Variants in GABRB1 observed in about 807,000 individuals in gnomAD.
GABRB1 encodes gamma-aminobutyric acid receptor subunit beta-1.
A neutral mutation model predicts 51.6 loss-of-function variants in GABRB1; 17 were observed. That is an observed-to-expected ratio of 0.33 (90% CI 0.23 to 0.49). The LOEUF (loss-of-function observed/expected upper bound fraction) is 0.49. Among genes scored for constraint, GABRB1 ranks in the 20% least tolerant of loss-of-function variants. GABRB1 has a pLI of 0.99. For missense variants in GABRB1, 410 were observed against 600.6 expected, an observed-to-expected ratio of 0.68 and a Z score of 3.32; for synonymous variants, 247 against 218.9, an observed-to-expected ratio of 1.13 and a Z score of -1.14.
chr4:47,363,601 G>T (rs1165920336), intron 5 of GABRB1, among the ~76,000 whole-genome samples: 2 of 152,062 alleles, frequency 1.3e-5, no homozygotes, highest in African/African-American at 4.8e-5. Context: ...TGGTCCCCTG[G>T]TTACCATTAG....
intron 4 of GABRB1, among the ~76,000 whole-genome samples, chr4:47,286,695 G>A (rs1406963950): frequency 2.0e-5 from 3 of 152,220 alleles, no homozygotes; most frequent in Non-Finnish European, 4.4e-5. Context: ...GGATAATTAA[G>A]CATGGATAAT....
rs566711934 is a variant in GABRB1, at chr4:47,338,613, A to G, written c.544+18404A>G. Among the ~76,000 whole-genome samples the G allele has an allele frequency of 2.6e-5, 4 of 152,344 alleles. No homozygotes were observed. The East Asian group carries it at 5.8e-4, about 22-fold the overall frequency. Reference sequence around the variant, plus strand: ...ATTTCTCCCTATTATTGGCAGGTCAAATATTAATACAGCTACTAGTTTCAG... The same window carrying G: ...ATTTCTCCCTATTATTGGCAGGTCAGATATTAATACAGCTACTAGTTTCAG... On this transcript the variant is annotated intron_variant, in intron 5 of 8. Coordinates refer to ENST00000295454, the MANE Select transcript of GABRB1 (RefSeq NM_000812.4).
At chr4:47,190,368 T>C (rs1052240030) in intron 4 of GABRB1, among the ~76,000 whole-genome samples, 1 of 152,128 alleles carries the variant, frequency 6.6e-6, no homozygotes, top group Non-Finnish European at 1.5e-5. Flanking sequence ...AATTTGTAAT[T>C]GGTTTGGTGA....
intron 5 of GABRB1, among the ~76,000 whole-genome samples, chr4:47,330,929 A>G (rs561275713): frequency 6.6e-6 from 1 of 152,304 alleles, no homozygotes; most frequent in African/African-American, 2.4e-5. Context: ...TGCCTGCCAA[A>G]TCATTAGTTC....
chr4:47,346,248 A>G (rs1400872610), intron 5 of GABRB1, among the ~76,000 whole-genome samples: 1 of 152,196 alleles, frequency 6.6e-6, no homozygotes, highest in Non-Finnish European at 1.5e-5. Flanking sequence ...TTGAAGTTCT[A>G]TGATAAAAGA....
At chr4:47,042,115 A>G in intron 3 of GABRB1, among the ~76,000 whole-genome samples, 1 of 151,992 alleles carries the variant, frequency 6.6e-6, no homozygotes, top group Non-Finnish European at 1.5e-5. Flanking sequence ...CATATTCTCT[A>G]TTATCACTCC....
chr4:47,350,200 T>TAG (rs1440025559), intron 5 of GABRB1, among the ~76,000 whole-genome samples: 14 of 87,734 alleles, frequency 1.6e-4, no homozygotes, highest in Non-Finnish European at 2.0e-4. Context: ...TATATATATA[T>TAG]ATATATATAT....
At chr4:47,052,969 C>T (rs558869779) in intron 3 of GABRB1, among the ~76,000 whole-genome samples, 3 of 152,218 alleles carry the variant, frequency 2.0e-5, no homozygotes, top group South Asian at 2.1e-4. Context: ...TAGAATGAGG[C>T]GCTGTTGCAG....
chr4:47,359,972 A>C (rs1212703207), intron 5 of GABRB1, among the ~76,000 whole-genome samples: 2 of 152,098 alleles, frequency 1.3e-5, no homozygotes, highest in African/African-American at 2.4e-5. Context: ...TCAGACTTGA[A>C]GTAAAAATGA....
At chr4:47,317,032 T>G (rs1354803271) in intron 4 of GABRB1, among the ~76,000 whole-genome samples, 1 of 152,012 alleles carries the variant, frequency 6.6e-6, no homozygotes, top group Non-Finnish European at 1.5e-5. Context: ...CTTTACATAC[T>G]GAGGTCCCTT....
intron 1 of GABRB1, chr4:46,994,212 A>G (rs1413052732): frequency 6.6e-6 from 1 of 152,074 alleles, no homozygotes; most frequent in African/African-American, 2.4e-5. Flanking sequence ...AGTATTTGCT[A>G]AGCTATTGCT....
At chr4:47,063,859 G>T (rs1003629051) in intron 3 of GABRB1, among the ~76,000 whole-genome samples, 12 of 152,040 alleles carry the variant, frequency 7.9e-5, no homozygotes, top group Admixed American at 7.2e-4. Context: ...CATGGCGGGG[G>T]AACAACACAC....
intron 4 of GABRB1, among the ~76,000 whole-genome samples, chr4:47,198,447 T>C (rs556856840): frequency 6.6e-6 from 1 of 152,240 alleles, no homozygotes; most frequent in South Asian, 2.1e-4. Flanking sequence ...GAAATACAGA[T>C]GTTACAGACT....
At chr4:47,316,157 C>T (rs1037664336) in intron 4 of GABRB1, among the ~76,000 whole-genome samples, 34 of 151,906 alleles carry the variant, frequency 2.2e-4, no homozygotes, top group Non-Finnish European at 5.0e-4. Context: ...GTAAAATATA[C>T]ATATATAATT....
chr4:47,269,719 G>A (rs774703095), intron 4 of GABRB1, among the ~76,000 whole-genome samples: 1 of 151,794 alleles, frequency 6.6e-6, no homozygotes, highest in Non-Finnish European at 1.5e-5. Flanking sequence ...CATGTATTAT[G>A]TGTCGGGGAT....
chr4:47,290,363 T>C (rs1030738576), intron 4 of GABRB1, among the ~76,000 whole-genome samples: 2 of 152,222 alleles, frequency 1.3e-5, no homozygotes, highest in African/African-American at 4.8e-5. Flanking sequence ...CCACCATGAT[T>C]GTGAGGCCTC....
intron 5 of GABRB1, among the ~76,000 whole-genome samples, chr4:47,341,847 T>C (rs998435608): frequency 2.6e-5 from 4 of 152,170 alleles, no homozygotes; most frequent in African/African-American, 7.2e-5. Flanking sequence ...CATTCATATC[T>C]ATGAGTAGTT....
At chr4:47,011,031 CATT>C (rs1438763789) in intron 1 of GABRB1, among the ~76,000 whole-genome samples, 1 of 151,672 alleles carries the variant, frequency 6.6e-6, no homozygotes, top group Non-Finnish European at 1.5e-5. Context: ...AGTGTTAAAA[CATT>C]AGAGAGTTAA....
intron 1 of GABRB1, among the ~76,000 whole-genome samples, chr4:47,011,092 G>A (rs3934675): frequency 0.68 from 103,367 of 152,078 alleles, 35,528 homozygotes; most frequent in South Asian, 0.79. Flanking sequence ...GAAAGCATTA[G>A]ACTAGTTGCA....
Sources: allele counts gnomAD v4.1 joint callset (sites outside exome capture counted in the v4.1 genomes callset), GRCh38; gene constraint gnomAD v4.1.1; transcripts MANE v1.5; gene names NCBI Gene and HGNC (gene_info 2026-07-23, HGNC 2026-07-21).